The following F13A1 variants were observed in gnomAD, a reference collection of about 807,000 sequenced individuals.
The protein encoded by F13A1 is FSF, A subunit.
Under a neutral mutation model 80.1 loss-of-function variants are expected in F13A1, and 47 were observed. The observed-to-expected ratio is 0.59, with a 90% CI of 0.46 to 0.75. The LOEUF (loss-of-function observed/expected upper bound fraction) is 0.75. Ranked by LOEUF, F13A1 falls within the 30% of genes least tolerant of loss-of-function variation. F13A1 has a pLI of 0.00. For synonymous variants in F13A1, 349 were observed against 344.9 expected, an observed-to-expected ratio of 1.01 and a Z score of -0.13; for missense variants, 817 against 930.4, an observed-to-expected ratio of 0.88 and a Z score of 1.59.
At chr6:6,190,129 A>AT (rs1295747110) in intron 10 of F13A1, among the ~76,000 whole-genome samples, 2 of 151,520 alleles carry the variant, frequency 1.3e-5, no homozygotes, top group Non-Finnish European at 2.9e-5. Flanking sequence ...ATTCTTCTAA[A>AT]TTTTTTTCAA....
At chr6:6,151,347 C>A (rs1460083351) in intron 14 of F13A1, among the ~76,000 whole-genome samples, 3 of 152,100 alleles carry the variant, frequency 2.0e-5, no homozygotes, top group Admixed American at 2.0e-4. Context: ...AGGCTGGAGA[C>A]AAAGCACCCA....
At chr6:6,172,612 A>T (rs1760796707) in intron 12 of F13A1, among the ~76,000 whole-genome samples, 1 of 151,654 alleles carries the variant, frequency 6.6e-6, no homozygotes, top group African/African-American at 2.4e-5. Flanking sequence ...CGCCTGGCTA[A>T]TTTTTTGTAT....
chr6:6,166,126 C>A (rs563757273), intron 13 of F13A1, among the ~76,000 whole-genome samples: 59 of 152,372 alleles, frequency 3.9e-4, no homozygotes, highest in Middle Eastern at 3.4e-3. Flanking sequence ...GTTGGAAGCC[C>A]AGCTCCGCCA....
In F13A1 at chr6:6,297,646, T is replaced by C. The variant is rs1322206432; in HGVS notation, c.319+7705A>G. Among the ~76,000 whole-genome samples, 20 of 149,674 alleles carry C rather than the reference T, an allele frequency of 1.3e-4. 1 individual carries two copies. The highest frequency in any genetic ancestry group is 5.1e-4 in the African/African-American group (20 of 39,130). On this transcript the variant is annotated intron_variant, in intron 3 of 14. Coordinates refer to ENST00000264870, the MANE Select transcript of F13A1 (RefSeq NM_000129.4). ...ATTTGATTCTTCTCTCTTTTTTTCTTTATTAGTCTTGTTAGCGGTCTATCA... is the reference window on the plus strand; with the variant it reads ...ATTTGATTCTTCTCTCTTTTTTTCTCTATTAGTCTTGTTAGCGGTCTATCA...
At chr6:6,216,679 GATCTAATGAA>G (rs1263732418) in intron 8 of F13A1, among the ~76,000 whole-genome samples, 11 of 148,436 alleles carry the variant, frequency 7.4e-5, no homozygotes, top group Admixed American at 1.3e-4. Context: ...TGACAAATGG[GATCTAATGAA>G]ACTCAAGAGC....
At chr6:6,299,239 T>A (rs12207247) in intron 3 of F13A1, among the ~76,000 whole-genome samples, 6 of 107,702 alleles carry the variant, frequency 5.6e-5, no homozygotes, top group African/African-American at 2.8e-4. Flanking sequence ...GGAGTTGCTC[T>A]TCTCGAGGAG....
At chr6:6,300,740 T>A (rs922819688) in intron 3 of F13A1, among the ~76,000 whole-genome samples, 2 of 152,160 alleles carry the variant, frequency 1.3e-5, no homozygotes, top group Admixed American at 1.3e-4. Flanking sequence ...CCTGAGCTGT[T>A]CCTATTCGGC....
chr6:6,307,711 T>C (rs1200877375), intron 2 of F13A1, among the ~76,000 whole-genome samples: 1 of 152,214 alleles, frequency 6.6e-6, no homozygotes, highest in East Asian at 1.9e-4. Flanking sequence ...AGAACTACTA[T>C]ACCCTGCATG....
chr6:6,255,415 G>A (rs1205642199), intron 4 of F13A1, among the ~76,000 whole-genome samples: 1 of 152,166 alleles, frequency 6.6e-6, no homozygotes, highest in Non-Finnish European at 1.5e-5. Context: ...CATGCAGCTA[G>A]TGAGTTGTGA....
In F13A1 at chr6:6,311,377, G is replaced by A. The variant is rs1198090161; in HGVS notation, c.131-5838C>T. 3.9e-5 allele frequency among the ~76,000 whole-genome samples: 6 copies of A among 152,038 alleles called. No individual in the cohort carries two copies. The East Asian group carries it at 9.6e-4, about 24-fold the overall frequency. On this transcript the variant is annotated intron_variant, in intron 2 of 14. Coordinates refer to ENST00000264870, the MANE Select transcript of F13A1 (RefSeq NM_000129.4). ...ATATATATAGTTGAAGGTATGATGT[G>A]GGAATTTATAACATAAGACCTCCAG...
At chr6:6,234,838 A>G (rs1043496419) in intron 6 of F13A1, among the ~76,000 whole-genome samples, 2 of 152,010 alleles carry the variant, frequency 1.3e-5, no homozygotes, top group African/African-American at 4.8e-5. Flanking sequence ...TTTCTTTCCT[A>G]TTAAAGTAAA....
At chr6:6,262,238 G>C (rs1757786065) in intron 4 of F13A1, among the ~76,000 whole-genome samples, 1 of 150,380 alleles carries the variant, frequency 6.6e-6, no homozygotes. Context: ...TGTGCTCCAA[G>C]CGTGGTGACC....
chr6:6,152,151 C>G (rs1398017518), intron 13 of F13A1, among the ~76,000 whole-genome samples: 2 of 152,200 alleles, frequency 1.3e-5, no homozygotes, highest in Non-Finnish European at 2.9e-5. Flanking sequence ...TAGAATCGCA[C>G]TCTTTTCCTC....
chr6:6,273,832 C>A (rs1757952784), intron 3 of F13A1, among the ~76,000 whole-genome samples: 1 of 152,028 alleles, frequency 6.6e-6, no homozygotes, highest in African/African-American at 2.4e-5. Context: ...GTGCTGAGAC[C>A]AAGTGGGAAT....
chr6:6,232,423 A>C (rs1453521686), intron 6 of F13A1, among the ~76,000 whole-genome samples: 4 of 152,200 alleles, frequency 2.6e-5, no homozygotes, highest in Non-Finnish European at 5.9e-5. Context: ...ACAAATGTGC[A>C]CTGAACACTC....
At chr6:6,161,618 C>A (rs76215240) in intron 13 of F13A1, among the ~76,000 whole-genome samples, 3,564 of 149,778 alleles carry the variant, frequency 0.024, 54 homozygotes, top group Middle Eastern at 0.049. Flanking sequence ...AATTCTATGT[C>A]TGATTGTAAT....
chr6:6,214,356 G>C (rs1270149271), intron 8 of F13A1, among the ~76,000 whole-genome samples: 6 of 150,872 alleles, frequency 4.0e-5, no homozygotes, highest in African/African-American at 1.2e-4. Flanking sequence ...AATCAAACTA[G>C]AACTCAGGAT....
intron 13 of F13A1, among the ~76,000 whole-genome samples, chr6:6,153,702 C>T (rs1319014879): frequency 6.6e-6 from 1 of 152,136 alleles, no homozygotes; most frequent in Non-Finnish European, 1.5e-5. Flanking sequence ...GCACTTTAAC[C>T]AGCAATCCTC....
At chr6:6,153,006 A>G in intron 13 of F13A1, among the ~76,000 whole-genome samples, 1 of 152,368 alleles carries the variant, frequency 6.6e-6, no homozygotes, top group Admixed American at 6.5e-5. Flanking sequence ...CCAATGCATT[A>G]CAGTTGATGC....
Sources: gnomAD v4.1 joint callset for allele counts (sites outside exome capture counted in the v4.1 genomes callset) on GRCh38, gnomAD v4.1.1 for gene constraint, MANE v1.5 for transcripts, NCBI Gene and HGNC (gene_info 2026-07-23, HGNC 2026-07-21) for gene names.